Variants in AP2A2 observed in about 807,000 individuals in gnomAD.
AP2A2 encodes the protein adaptor related protein complex 2 subunit alpha 2.
In AP2A2, 32 loss-of-function variants were observed where a neutral mutation model predicts 104.2. The ratio of observed to expected loss-of-function variants is 0.31; its 90% CI spans 0.23 to 0.41. The LOEUF (loss-of-function observed/expected upper bound fraction) is 0.41. Among genes scored for constraint, AP2A2 ranks in the 10% least tolerant of loss-of-function variants. The probability of loss-of-function intolerance (pLI) is 1.00; values close to 1 mark genes in which losing one functional copy is unlikely to be tolerated. For synonymous variants in AP2A2, 539 were observed against 533.3 expected, an observed-to-expected ratio of 1.01 and a Z score of -0.15; for missense variants, 912 against 1,261.0, an observed-to-expected ratio of 0.72 and a Z score of 4.19.
At chr11:990,096 A>G (rs1007341382) in intron 10 of AP2A2, among the ~76,000 whole-genome samples, 31 of 152,246 alleles carry the variant, frequency 2.0e-4, no homozygotes, top group African/African-American at 6.7e-4. Flanking sequence ...TGGGGCTTCA[A>G]TGCTGAGGGG....
intron 4 of AP2A2, 65 bp from the exon 5 acceptor site, chr11:977,030 G>C (rs1855066335): frequency 6.2e-7 from 1 of 1,600,842 alleles, no homozygotes; most frequent in Non-Finnish European, 8.5e-7. Flanking sequence ...CTCTGGGGGG[G>C]TGCTCCGTGC....
chr11:1,008,496 G>A (rs1435709824), intron 18 of AP2A2: 3 of 229,664 alleles, frequency 1.3e-5, no homozygotes, highest in South Asian at 1.1e-4. Flanking sequence ...GGTTTCCTTC[G>A]GCCCCCTGGC....
chr11:987,716 T>C (rs946082953), intron 9 of AP2A2, among the ~76,000 whole-genome samples: 1 of 151,786 alleles, frequency 6.6e-6, no homozygotes, highest in Non-Finnish European at 1.5e-5. Flanking sequence ...TGCCAGCCTT[T>C]GCGAGTCTCC....
intron 4 of AP2A2, among the ~76,000 whole-genome samples, chr11:972,931 C>A (rs1854884927): frequency 6.6e-6 from 1 of 152,260 alleles, no homozygotes; most frequent in Admixed American, 6.5e-5. Context: ...GCGCCCTCGG[C>A]CATCCGTTCC....
chr11:944,126 G>C (rs1853752264), intron 1 of AP2A2, among the ~76,000 whole-genome samples: 2 of 152,220 alleles, frequency 1.3e-5, no homozygotes, highest in Admixed American at 6.5e-5. Flanking sequence ...TCGTTTGGAG[G>C]AAAAGCGGAC....
At chr11:946,852 A>T (rs1431650610) in intron 1 of AP2A2, 1 of 152,012 alleles carries the variant, frequency 6.6e-6, no homozygotes, top group Non-Finnish European at 1.5e-5. Context: ...CTTATAATAC[A>T]TACTGAAAGG....
chr11:993,695 GC>G lies in AP2A2; in HGVS notation c.1551-58del, dbSNP rs1168754096. On this transcript the variant is annotated intron_variant, in intron 12 of 21. Transcript: ENST00000448903. This position sits in a 1 kb window ranked among gnomAD's most constrained non-coding sequence, Gnocchi z 8.2. Reference sequence around the variant, plus strand: ...TCGCCGCCGTCCCCCCCCCGCGGGGGCGTGCTGCAGCCTGCGAGGGGACGAC... The same window carrying G: ...TCGCCGCCGTCCCCCCCCCGCGGGGGGTGCTGCAGCCTGCGAGGGGACGAC... 7.4e-7 allele frequency: 1 copy of G among 1,359,184 alleles called. No homozygotes were observed. Among genetic ancestry groups the G allele is most frequent in the East Asian group, 2.5e-5 (1 of 39,614 alleles). 84.2% of individuals were successfully genotyped at this position (1,359,184 alleles called of 1,614,324 possible).
Position 1,010,970 on chromosome 11 carries a change from C to T in AP2A2, c.*345C>T. ...GGGAGTGTCACTGAGATGGCCCGTG[C>T]TGCCGCCCACCCCGCCTCGGAGCCT... On this transcript the variant is annotated 3_prime_UTR_variant, in exon 22 of 22. Transcript: ENST00000448903. 1.4e-6 allele frequency: 1 copy of T among 724,466 alleles called. No homozygotes were observed. The highest frequency in any genetic ancestry group is 2.5e-6 in the Non-Finnish European group (1 of 392,944). The allele number at this position is 724,466 out of a possible 1,614,324, so 44.9% of individuals were successfully genotyped here. A position where few individuals can be genotyped will look rare whatever the true frequency, so the allele number is the denominator to read the frequency against.
intron 2 of AP2A2, among the ~76,000 whole-genome samples, chr11:967,641 TG>T (rs1854665529): frequency 6.6e-6 from 1 of 152,164 alleles, no homozygotes; most frequent in Non-Finnish European, 1.5e-5. Flanking sequence ...ATTACAGGCG[TG>T]AGCCACCATG....
At chr11:964,104 G>A (rs565548706) in intron 2 of AP2A2, among the ~76,000 whole-genome samples, 12 of 152,344 alleles carry the variant, frequency 7.9e-5, no homozygotes, top group African/African-American at 2.6e-4. Context: ...TGAACTGAAG[G>A]CCTCACCAGA....
In AP2A2 at chr11:1,010,731, C is replaced by A; in HGVS notation, c.*106C>A. On this transcript the variant is annotated 3_prime_UTR_variant, in exon 22 of 22. Transcript: ENST00000448903. ...GAGCACCGTGTCCAGTGCCACAGCA[C>A]AAGGCGCCTCCCCGCCCCGCCGCCC... 1.1e-6 allele frequency: 1 copy of A among 947,868 alleles called. No individual in the cohort carries two copies. The highest frequency in any genetic ancestry group is 1.7e-6 in the Non-Finnish European group (1 of 601,942). The allele number at this position is 947,868 out of a possible 1,614,324, so 58.7% of individuals were successfully genotyped here.
chr11:995,974 G>C (rs1238513675), intron 14 of AP2A2: 6 of 151,968 alleles, frequency 3.9e-5, no homozygotes, highest in African/African-American at 1.5e-4. Context: ...CATGTGCTCT[G>C]TAGAGCTGGT....
At chr11:948,187 G>C (rs899595499) in intron 1 of AP2A2, among the ~76,000 whole-genome samples, 1 of 152,168 alleles carries the variant, frequency 6.6e-6, no homozygotes, top group Non-Finnish European at 1.5e-5. Context: ...TATTTGAAAA[G>C]ATCATCAAAA....
rs1055942861 is a variant in AP2A2, at chr11:927,014, C to T, written c.67+926C>T. Among the ~76,000 whole-genome samples the T allele has an allele frequency of 2.6e-5, 4 of 152,306 alleles. No homozygotes were observed. In the South Asian group the frequency reaches 8.3e-4, roughly 32 times the overall value. On this transcript the variant is annotated intron_variant, in intron 1 of 21. Coordinates refer to ENST00000448903, the MANE Select transcript of AP2A2 (RefSeq NM_012305.4). ...GGGAGAAACAAAGCCAGTTTCCTGTCTGCTGCGTTGATTTTTTTCCTTGTT... is the reference window on the plus strand; with the variant it reads ...GGGAGAAACAAAGCCAGTTTCCTGTTTGCTGCGTTGATTTTTTTCCTTGTT...
chr11:936,064 C>G lies in AP2A2; in HGVS notation c.67+9976C>G, dbSNP rs1589943394. Among the ~76,000 whole-genome samples, 7 of 149,612 alleles carry G rather than the reference C, an allele frequency of 4.7e-5. 1 individual carries two copies. Among genetic ancestry groups the G allele is most frequent in the Admixed American group, 4.7e-4 (7 of 15,006 alleles). Reference sequence around the variant, plus strand: ...CTACAGGCGCCCACCACCACGCCTGCCTAATTTTTTTTTTTTTTATTTTTA... The same window carrying G: ...CTACAGGCGCCCACCACCACGCCTGGCTAATTTTTTTTTTTTTTATTTTTA... On this transcript the variant is annotated intron_variant, in intron 1 of 21. Transcript: ENST00000448903.
chr11:999,031 G>A (rs1855945946), intron 14 of AP2A2, among the ~76,000 whole-genome samples: 1 of 152,144 alleles, frequency 6.6e-6, no homozygotes, highest in Admixed American at 6.6e-5. Flanking sequence ...TCCCTCTGGT[G>A]CACAGGCTGC....
intron 16 of AP2A2, among the ~76,000 whole-genome samples, chr11:1,004,138 C>A (rs1294134372): frequency 6.6e-6 from 1 of 152,134 alleles, no homozygotes; most frequent in Non-Finnish European, 1.5e-5. Context: ...CAATCAAAAC[C>A]ACAGTGAGCT....
chr11:983,296 A>G (rs1388939524), intron 6 of AP2A2, among the ~76,000 whole-genome samples: 5 of 152,106 alleles, frequency 3.3e-5, no homozygotes, highest in Non-Finnish European at 5.9e-5. Context: ...CAGTGCTGGC[A>G]TTATAGGCAT....
intron 1 of AP2A2, among the ~76,000 whole-genome samples, chr11:945,037 C>T (rs961892663): frequency 2.6e-5 from 4 of 151,918 alleles, no homozygotes; most frequent in South Asian, 2.1e-4. Flanking sequence ...TGAACAGCTT[C>T]GGAGAGGTCA....
Sources: gnomAD v4.1 joint callset for allele counts (sites outside exome capture counted in the v4.1 genomes callset) on GRCh38, gnomAD v4.1.1 for gene constraint, Gnocchi (gnomAD v3.1) non-coding constraint, MANE v1.5 for transcripts, NCBI Gene and HGNC (gene_info 2026-07-23, HGNC 2026-07-21) for gene names.